PRKN: variants seen among roughly 807,000 people sequenced by gnomAD.
The protein encoded by PRKN is E3 ubiquitin-protein ligase parkin.
In PRKN, 56 loss-of-function variants were observed where a neutral mutation model predicts 59.5. The observed-to-expected ratio is 0.94, with a 90% CI of 0.76 to 1.18. The LOEUF (loss-of-function observed/expected upper bound fraction) is 1.18, where lower values mean the gene tolerates loss of function less well. PRKN is among the 50% of genes most tolerant of loss of function. PRKN has a pLI of 0.00. For missense variants in PRKN, 657 were observed against 596.4 expected (o/e 1.10, Z -1.06); for synonymous variants, 250 against 222.1 (o/e 1.13, Z -1.12).
At chr6:162,111,309 CA>C (rs1165907294) in intron 4 of PRKN, among the ~76,000 whole-genome samples, 3 of 152,070 alleles carry the variant, frequency 2.0e-5, no homozygotes, top group South Asian at 2.1e-4. Flanking sequence ...ACTAAAAATA[CA>C]AAAAATTACC....
intron 9 of PRKN, among the ~76,000 whole-genome samples, chr6:161,517,985 A>T (rs1451687322): frequency 4.6e-5 from 7 of 152,198 alleles, no homozygotes; most frequent in Admixed American, 4.6e-4. Context: ...AGCACACATG[A>T]AATCAAGAGG....
At chr6:162,104,647 C>A (rs925908603) in intron 4 of PRKN, among the ~76,000 whole-genome samples, 3 of 152,114 alleles carry the variant, frequency 2.0e-5, no homozygotes, top group Non-Finnish European at 2.9e-5. Flanking sequence ...GCAGGCCAGG[C>A]GTGGACTCTG....
intron 1 of PRKN, among the ~76,000 whole-genome samples, chr6:162,504,117 G>A (rs906515397): frequency 3.3e-5 from 5 of 152,084 alleles, no homozygotes; most frequent in South Asian, 2.1e-4. Flanking sequence ...GCAGGCTGAC[G>A]GGAAACTCCA....
intron 2 of PRKN, among the ~76,000 whole-genome samples, chr6:162,343,109 TAA>T (rs1784256901): frequency 6.6e-6 from 1 of 152,176 alleles, no homozygotes; most frequent in African/African-American, 2.4e-5. Context: ...CAATGCTAAA[TAA>T]ATATTTCTCA....
At chr6:161,944,421 T>C (rs1779706998) in intron 6 of PRKN, among the ~76,000 whole-genome samples, 1 of 152,148 alleles carries the variant, frequency 6.6e-6, no homozygotes, top group African/African-American at 2.4e-5. Context: ...ACATAGAAGC[T>C]GCTTATTGCC....
intron 6 of PRKN, among the ~76,000 whole-genome samples, chr6:161,875,089 TATTA>T (rs1483325490): frequency 7.9e-6 from 1 of 127,028 alleles, no homozygotes; most frequent in Non-Finnish European, 1.6e-5. Context: ...ATATATGATA[TATTA>T]TATATAAAGT....
chr6:161,939,191 G>A (rs1484696520), intron 6 of PRKN, among the ~76,000 whole-genome samples: 6 of 151,990 alleles, frequency 3.9e-5, no homozygotes, highest in Admixed American at 3.3e-4. Context: ...GCTGAGGCGG[G>A]AGGATCACCT....
intron 6 of PRKN, among the ~76,000 whole-genome samples, chr6:161,969,838 T>C (rs1780733472): frequency 6.6e-6 from 1 of 152,274 alleles, no homozygotes; most frequent in African/African-American, 2.4e-5. Context: ...CTGTTACCCT[T>C]TTTCTTTTCC....
chr6:161,927,099 GA>G (rs529532716), intron 6 of PRKN, among the ~76,000 whole-genome samples: 5 of 150,190 alleles, frequency 3.3e-5, no homozygotes, highest in Non-Finnish European at 7.4e-5. Flanking sequence ...ACACTAAAAT[GA>G]AAAAAAAATA....
intron 6 of PRKN, among the ~76,000 whole-genome samples, chr6:161,848,110 C>T (rs189181665): frequency 1.3e-4 from 20 of 152,242 alleles, no homozygotes; most frequent in Non-Finnish European, 2.1e-4. Context: ...TGTCAGGTAC[C>T]GCCTCTTCAG....
In PRKN at chr6:161,552,782, T is replaced by TTGC. The variant is rs1365299392; in HGVS notation, c.934-3780_934-3779insGCA. Among the ~76,000 whole-genome samples the TTGC allele has an allele frequency of 3.9e-4, 46 of 118,900 alleles. 1 individual carries two copies. In the South Asian group the frequency reaches 0.012, roughly 31 times the overall value. The allele number at this position is 118,900 out of a possible 152,430, so 78.0% of individuals were successfully genotyped here. ...CTTCCTAAAAGACACCATGGTTTTG[T>TTGC]TGTTGTTTTTGTTTTTTGTTTTTTT... On this transcript the variant is annotated intron_variant, in intron 8 of 11. Coordinates refer to ENST00000366898, the MANE Select transcript of PRKN (RefSeq NM_004562.3). This position sits in a 1 kb window ranked among gnomAD's most constrained non-coding sequence, Gnocchi z 4.9.
Position 161,940,994 on chromosome 6 carries a change from A to G in PRKN, c.734+32308T>C, listed in dbSNP as rs1779544625. Reference sequence around the variant, plus strand: ...ATTATTACTGACAGGACAGAATTGAAAGAGGCCATACTGATATGGAAGTGC... The same window carrying G: ...ATTATTACTGACAGGACAGAATTGAGAGAGGCCATACTGATATGGAAGTGC... On this transcript the variant is annotated intron_variant, in intron 6 of 11. Transcript: ENST00000366898. 2.6e-5 allele frequency among the ~76,000 whole-genome samples: 4 copies of G among 152,200 alleles called. No homozygotes were observed. In the South Asian group the frequency reaches 8.3e-4, roughly 32 times the overall value.
chr6:162,627,808 T>C (rs1177412323), intron 1 of PRKN, among the ~76,000 whole-genome samples: 1 of 152,156 alleles, frequency 6.6e-6, no homozygotes, highest in East Asian at 1.9e-4. Context: ...GTGGGCAGTT[T>C]TGAATACTAG....
intron 1 of PRKN, among the ~76,000 whole-genome samples, chr6:162,556,669 C>A (rs1393271036): frequency 1.3e-5 from 2 of 148,734 alleles, no homozygotes; most frequent in Non-Finnish European, 3.0e-5. Flanking sequence ...ATCGCCTGAA[C>A]CCGGGAAGCA....
intron 6 of PRKN, among the ~76,000 whole-genome samples, chr6:161,889,953 C>T (rs1795281676): frequency 6.6e-6 from 1 of 152,054 alleles, no homozygotes; most frequent in South Asian, 2.1e-4. Flanking sequence ...CCAAAAGAAG[C>T]CCCATACATT....
intron 2 of PRKN, among the ~76,000 whole-genome samples, chr6:162,363,111 G>C (rs951395449): frequency 2.3e-5 from 3 of 127,694 alleles, no homozygotes; most frequent in African/African-American, 9.1e-5. Context: ...CTGGGTGACA[G>C]AGCGAGACTC....
chr6:162,245,491 T>A (rs1370812245), intron 3 of PRKN, among the ~76,000 whole-genome samples: 1 of 151,732 alleles, frequency 6.6e-6, no homozygotes, highest in Non-Finnish European at 1.5e-5. Flanking sequence ...ACATTTTATA[T>A]CTAATATAAT....
chr6:162,718,059 A>G (rs1322273617), intron 1 of PRKN, among the ~76,000 whole-genome samples: 1 of 152,196 alleles, frequency 6.6e-6, no homozygotes, highest in Non-Finnish European at 1.5e-5. Context: ...AATGGCCCCT[A>G]ATGCTATCTA....
chr6:162,038,314 GA>G (rs1341364326), intron 5 of PRKN, among the ~76,000 whole-genome samples: 2 of 152,104 alleles, frequency 1.3e-5, no homozygotes, highest in African/African-American at 4.8e-5. Context: ...AGTCTTTGTG[GA>G]AAAGGCTGGA....
Sources: gnomAD v4.1 joint callset for allele counts (sites outside exome capture counted in the v4.1 genomes callset) on GRCh38, gnomAD v4.1.1 for gene constraint, Gnocchi (gnomAD v3.1) non-coding constraint, MANE v1.5 for transcripts, NCBI Gene and HGNC (gene_info 2026-07-23, HGNC 2026-07-21) for gene names.